LONP1: variants seen among roughly 807,000 people sequenced by gnomAD.
LONP1 encodes lon peptidase 1, mitochondrial.
LONP1 carries 31 observed loss-of-function variants against 98.5 expected under a neutral mutation model. The ratio of observed to expected loss-of-function variants is 0.31; its 90% CI spans 0.24 to 0.42. The LOEUF (loss-of-function observed/expected upper bound fraction) is 0.42. LONP1 is among the 20% of genes least tolerant of loss of function. The probability of loss-of-function intolerance (pLI) is 1.00; values close to 1 mark genes in which losing one functional copy is unlikely to be tolerated. For synonymous variants in LONP1, 781 were observed against 594.7 expected, an observed-to-expected ratio of 1.31 and a Z score of -4.56; for missense variants, 1,336 against 1,350.6, an observed-to-expected ratio of 0.99 and a Z score of 0.17.
chr19:5,699,325 T>C, intron 9 of LONP1, 120 bp from the exon 10 acceptor site: 1 of 783,464 alleles, frequency 1.3e-6, no homozygotes, highest in Non-Finnish European at 1.8e-6. Flanking sequence ...GGGACCAGGA[T>C]TGTCCGGGAG....
In LONP1 at chr19:5,703,180, CA is replaced by C. The variant is rs35471644; in HGVS notation, c.1368-2254del. 2.8e-3 allele frequency among the ~76,000 whole-genome samples: 218 copies of C among 77,080 alleles called. 1 individual carries two copies. Among genetic ancestry groups the C allele is most frequent in the Middle Eastern group, 6.6e-3 (1 of 152 alleles). 50.6% of individuals were successfully genotyped at this position (77,080 alleles called of 152,430 possible). A position where few individuals can be genotyped will look rare whatever the true frequency, so the allele number is the denominator to read the frequency against. The stretch of plus-strand genomic sequence containing the variant: ...TGGGCAACAGAGTGAGACTCCATCT[CA>C]AAAAAAAAAAAAAAAAAAAATTTAC... On this transcript the variant is annotated intron_variant, in intron 8 of 17. Transcript: ENST00000360614.
In LONP1 at chr19:5,707,932, T is replaced by C. The variant is rs2055174316; in HGVS notation, c.933-106A>G. 1.7e-5 allele frequency: 23 copies of C among 1,359,558 alleles called. No individual in the cohort carries two copies. The South Asian group carries it at 3.0e-4, about 18-fold the overall frequency. 84.2% of individuals were successfully genotyped at this position (1,359,558 alleles called of 1,614,324 possible). A position where few individuals can be genotyped will look rare whatever the true frequency, so the allele number is the denominator to read the frequency against. ...TCAGGGTCCCTGTCCCCTGTAGCTA[T>C]GGGCACGGTCTAGGGGTGCTCGCTG... On this transcript the variant is annotated intron_variant, in intron 5 of 17. Coordinates refer to ENST00000360614, the MANE Select transcript of LONP1 (RefSeq NM_004793.4).
At chr19:5,694,004 A>C (rs1045911617) in intron 15 of LONP1, among the ~76,000 whole-genome samples, 1 of 152,168 alleles carries the variant, frequency 6.6e-6, no homozygotes, top group African/African-American at 2.4e-5. Flanking sequence ...CACAGAGGAC[A>C]CGCCCAGGGC....
At position 5,719,894 on chromosome 19, in the gene LONP1, G is replaced by A. The variant is rs781065201; in HGVS notation, c.239C>T (p.Ser80Leu). ...EASSRGGGAFSGGEDASEGGA... is the reference protein window; with the variant it reads ...EASSRGGGAFLGGEDASEGGA... ...GCCCTCGGAGGCGTCCTCGCCCCCCGAGAATGCGCCTCCGCCGCGGCTGCT... is the reference window on the plus strand; with the variant it reads ...GCCCTCGGAGGCGTCCTCGCCCCCCAAGAATGCGCCTCCGCCGCGGCTGCT... Residue 80 changes from serine (S) to leucine (L), a missense_variant, in exon 1 of 18, where the codon TCG (serine) becomes TTG (leucine). This residue lies in a region of LONP1 where 457 missense variants were observed against 403.1 expected (regional missense o/e 1.13). Coordinates refer to ENST00000360614, the MANE Select transcript of LONP1 (RefSeq NM_004793.4). 74 of 1,561,708 alleles carry A rather than the reference G, an allele frequency of 4.7e-5. No homozygotes were observed. The highest frequency in any genetic ancestry group is 6.1e-5 in the Non-Finnish European group (70 of 1,154,860).
intron 8 of LONP1, among the ~76,000 whole-genome samples, 190 bp downstream of exon 8, chr19:5,705,582 C>T (rs1396542375): frequency 2.6e-5 from 4 of 152,172 alleles, no homozygotes; most frequent in South Asian, 4.1e-4. Flanking sequence ...CCTCGATTTC[C>T]TTGTAGAATG....
At chr19:5,707,306 G>A (rs1272444086) in intron 6 of LONP1, among the ~76,000 whole-genome samples, 163 bp from the exon 7 acceptor site, 1 of 152,192 alleles carries the variant, frequency 6.6e-6, no homozygotes, top group Admixed American at 6.5e-5. Flanking sequence ...AACAAATCCC[G>A]TGCTGGAAAC....
At chr19:5,697,384 G>A (rs764036839) in intron 10 of LONP1, among the ~76,000 whole-genome samples, 6 of 151,732 alleles carry the variant, frequency 4.0e-5, no homozygotes, top group South Asian at 2.1e-4. Context: ...AGAGAGCCAC[G>A]TGAGGGTCTG....
rs764570610 is a variant in LONP1 at position 5,714,179 on chromosome 19, T to A, written c.518+4A>T. 1.9e-5 allele frequency: 30 copies of A among 1,610,970 alleles called. No individual in the cohort carries two copies. The highest frequency in any genetic ancestry group is 1.3e-4 in the Admixed American group (8 of 59,318). ...CAAGGGAATGAAGGAAAAATCACACTTACCTGTCATCTCTCTTTAGAAAGA... is the reference window on the plus strand; with the variant it reads ...CAAGGGAATGAAGGAAAAATCACACATACCTGTCATCTCTCTTTAGAAAGA... On this transcript the variant is annotated splice_donor_region_variant and intron_variant, in intron 2 of 17. Transcript: ENST00000360614.
intron 8 of LONP1, among the ~76,000 whole-genome samples, chr19:5,702,245 G>A (rs1168224386): frequency 1.2e-4 from 11 of 93,294 alleles, no homozygotes; most frequent in African/African-American, 3.1e-4. Context: ...CCGTCTGGGA[G>A]GGAGGTTGGG....
chr19:5,699,372 G>A (rs2055000715), intron 9 of LONP1, among the ~76,000 whole-genome samples, 167 bp from the exon 10 acceptor site: 1 of 152,136 alleles, frequency 6.6e-6, no homozygotes. Flanking sequence ...CCACGGGGAG[G>A]GGCAGCCTGT....
In LONP1 at chr19:5,706,999, G is replaced by A. The variant is rs1193277288; in HGVS notation, c.1146+61C>T. On this transcript the variant is annotated intron_variant, in intron 7 of 17. Coordinates refer to ENST00000360614, the MANE Select transcript of LONP1 (RefSeq NM_004793.4). ...CCTCCGTGTGCTCCAGAGCCTGACT[G>A]ATGTCACGTGGCCCGAGGGGAAGGC... The A allele has an allele frequency of 3.6e-6, 5 of 1,388,658 alleles. No individual in the cohort carries two copies. In the African/African-American group the frequency reaches 4.2e-5, roughly 12 times the overall value. The allele number at this position is 1,388,658 out of a possible 1,614,324, so 86.0% of individuals were successfully genotyped here. A position where few individuals can be genotyped will look rare whatever the true frequency, so the allele number is the denominator to read the frequency against.
At chr19:5,710,017 A>G (rs2055212230) in intron 4 of LONP1, among the ~76,000 whole-genome samples, 2 of 150,382 alleles carry the variant, frequency 1.3e-5, no homozygotes, top group South Asian at 4.2e-4. Context: ...CTGTTGCAAG[A>G]TTCTCACAGG....
chr19:5,702,266 G>GC lies in LONP1; in HGVS notation c.1368-1340dup, dbSNP rs553102037. Among the ~76,000 whole-genome samples the GC allele has an allele frequency of 8.2e-3, 1,044 of 126,718 alleles. 10 individuals carry two copies. Among genetic ancestry groups the GC allele is most frequent in the Middle Eastern group, 0.077 (11 of 142 alleles). 83.1% of individuals were successfully genotyped at this position (126,718 alleles called of 152,430 possible). A position where few individuals can be genotyped will look rare whatever the true frequency, so the allele number is the denominator to read the frequency against. On this transcript the variant is annotated intron_variant, in intron 8 of 17. Coordinates refer to ENST00000360614, the MANE Select transcript of LONP1 (RefSeq NM_004793.4). ...GGGAGGGAGGTTGGGGGGGGGGTCA[G>GC]CCCCCCACCAGGCCAGCTGCCCCAT... is the stretch of plus-strand genomic sequence containing the variant.
chr19:5,698,344 G>A (rs191777657), intron 10 of LONP1, among the ~76,000 whole-genome samples: 2 of 152,196 alleles, frequency 1.3e-5, no homozygotes, highest in Non-Finnish European at 2.9e-5. Flanking sequence ...AACACGTGGT[G>A]GACTCAGCAG....
At chr19:5,701,716 CAA>C (rs892826320) in intron 8 of LONP1, among the ~76,000 whole-genome samples, 3 of 152,202 alleles carry the variant, frequency 2.0e-5, no homozygotes, top group African/African-American at 7.2e-5. Flanking sequence ...CTTAGCCTCC[CAA>C]AGTGCCGAGA....
At chr19:5,696,464 G>T in intron 11 of LONP1, 93 bp from the exon 12 acceptor site, 1 of 1,506,538 alleles carries the variant, frequency 6.6e-7, no homozygotes, top group African/African-American at 1.4e-5. Flanking sequence ...GGGAGACCCC[G>T]AGTGAGAGCG....
chr19:5,695,682 C>A (rs370264019), intron 13 of LONP1, among the ~76,000 whole-genome samples: 8 of 152,198 alleles, frequency 5.3e-5, no homozygotes, highest in African/African-American at 1.9e-4. Context: ...AACCACTTCT[C>A]CTCCAAGCCT....
At chr19:5,708,272 C>T (rs2055179441) in intron 5 of LONP1, 70 bp downstream of exon 5, 3 of 1,495,880 alleles carry the variant, frequency 2.0e-6, no homozygotes, top group Non-Finnish European at 2.8e-6. Context: ...AGGAAGCCCC[C>T]TACCCACCCA....
In LONP1 at chr19:5,691,884, A is replaced by C. The variant is rs2054828107; in HGVS notation, c.*148T>G. On this transcript the variant is annotated 3_prime_UTR_variant, in exon 18 of 18. Transcript: ENST00000360614. ...ATAGCTTCTATGCCACACTCTGATTAAGCCGACTGAGGTCCCTGGGATCTG... is the reference window on the plus strand; with the variant it reads ...ATAGCTTCTATGCCACACTCTGATTCAGCCGACTGAGGTCCCTGGGATCTG... The C allele has an allele frequency of 1.1e-6, 1 of 906,932 alleles. No homozygotes were observed. Among genetic ancestry groups the C allele is most frequent in the South Asian group, 1.7e-5 (1 of 59,476 alleles). The allele number at this position is 906,932 out of a possible 1,614,324, so 56.2% of individuals were successfully genotyped here. A position where few individuals can be genotyped will look rare whatever the true frequency, so the allele number is the denominator to read the frequency against.
Sources: gnomAD v4.1 joint callset for allele counts (sites outside exome capture counted in the v4.1 genomes callset) on GRCh38, gnomAD v4.1.1 for gene constraint, gnomAD v4.1.1 regional missense constraint, MANE v1.5 for transcripts, NCBI Gene and HGNC (gene_info 2026-07-23, HGNC 2026-07-21) for gene names.